The following ACOX2 variants were observed in gnomAD, a reference collection of about 807,000 sequenced individuals.
ACOX2 encodes acyl-CoA oxidase 2.
A neutral mutation model predicts 77.5 loss-of-function variants in ACOX2; 59 were observed. The observed-to-expected ratio is 0.76, with a 90% CI of 0.62 to 0.95. ACOX2 has a LOEUF of 0.95. Among genes scored for constraint, ACOX2 ranks in the 40% least tolerant of loss-of-function variants. The pLI is 0.00. For missense variants in ACOX2, 837 were observed against 880.4 expected (o/e 0.95, Z 0.62); for synonymous variants, 317 against 340.1 (o/e 0.93, Z 0.75).
intron 5 of ACOX2, among the ~76,000 whole-genome samples, chr3:58,532,067 T>C (rs1280002422): frequency 1.3e-5 from 2 of 152,140 alleles, no homozygotes; most frequent in East Asian, 3.9e-4. Flanking sequence ...AACCTTATAA[T>C]AATGAATACA....
chr3:58,517,862 G>A (rs1336987646), intron 12 of ACOX2, among the ~76,000 whole-genome samples: 1 of 151,986 alleles, frequency 6.6e-6, no homozygotes, highest in African/African-American at 2.4e-5. Flanking sequence ...ATCACCTGAG[G>A]TCAGGAGTTT....
At chr3:58,509,070 A>T (rs531221159) in intron 13 of ACOX2, 45 bp from the exon 14 acceptor site, 7 of 1,602,632 alleles carry the variant, frequency 4.4e-6, no homozygotes, top group African/African-American at 1.3e-5. Flanking sequence ...GATTGCTCTT[A>T]TGAATCAAAC....
rs538107717 is a variant in ACOX2, at chr3:58,517,356, G to A, written c.1700C>T (p.Ala567Val). 21 of 1,614,100 alleles carry A rather than the reference G, an allele frequency of 1.3e-5. 1 individual carries two copies. Among genetic ancestry groups the A allele is most frequent in the East Asian group, 6.7e-5 (3 of 44,874 alleles). The change falls in exon 13 of 15, where the codon GCG (alanine) becomes GTG (valine). Residue 567 changes from alanine to valine, a missense_variant. Ala to Val is a moderately conservative substitution (Grantham distance 64). Transcript: ENST00000302819. ...GAGGCGCTTGAGCACCTGCTGAATC[G>A]CTGGTTCATTTTCTAGTTTCTCCAG... Reference protein sequence around the residue: ...EALEKLENEPAIQQVLKRLCD... With the variant: ...EALEKLENEPVIQQVLKRLCD...
In ACOX2 at chr3:58,523,721, T is replaced by C. The variant is rs1403978651; in HGVS notation, c.1526+705A>G. On this transcript the variant is annotated intron_variant, in intron 11 of 14. Coordinates refer to ENST00000302819, the MANE Select transcript of ACOX2 (RefSeq NM_003500.4). The surrounding 1 kb of genome is among the most constrained non-coding windows in gnomAD (Gnocchi z 5.3). ...ACCTCGACCTCCCAAAGTGCTGGAATTACTGGTGTCAGCCACCATGCCCAG... is the reference window on the plus strand; with the variant it reads ...ACCTCGACCTCCCAAAGTGCTGGAACTACTGGTGTCAGCCACCATGCCCAG... Among the ~76,000 whole-genome samples, 1 of 152,166 alleles carries C rather than the reference T, an allele frequency of 6.6e-6. No homozygotes were observed. Among genetic ancestry groups the C allele is most frequent in the Non-Finnish European group, 1.5e-5 (1 of 68,022 alleles).
chr3:58,510,045 C>T (rs950760242), intron 13 of ACOX2, among the ~76,000 whole-genome samples: 7 of 152,084 alleles, frequency 4.6e-5, no homozygotes, highest in South Asian at 2.1e-4. Context: ...TTATATTTAT[C>T]ACCCCCTCTC....
rs772547041 is a variant in ACOX2, at chr3:58,517,307, T to C, written c.1749A>G (p.Gly583=). Residue 583 remains glycine (G), a synonymous_variant, in exon 13 of 15, where the codon GGA becomes GGG. Transcript: ENST00000302819. ...KRLCDLHAIH[G]ILTNSGDFLH... ...GAAAGTCACCCGAGTTAGTCAAGAT[T>C]CCATGTATGGCATGGAGGTCACAGA... 12 of 1,614,170 alleles carry C rather than the reference T, an allele frequency of 7.4e-6. No individual in the cohort carries two copies. The South Asian group carries it at 1.3e-4, about 18-fold the overall frequency.
In ACOX2 at chr3:58,530,399, CAG is replaced by C. The variant is rs1206607459; in HGVS notation, c.992+65_992+66del. 3.8e-6 allele frequency: 6 copies of C among 1,566,436 alleles called. No homozygotes were observed. The African/African-American group carries it at 5.4e-5, about 14-fold the overall frequency. Reference sequence around the variant, plus strand: ...TCTGGCTCTGGCAGAAGGGTGGTGTCAGGGGGAGGCACTGTGGGACCAAGAGG... The same window carrying C: ...TCTGGCTCTGGCAGAAGGGTGGTGTCGGGGAGGCACTGTGGGACCAAGAGG... On this transcript the variant is annotated intron_variant, in intron 8 of 14. Transcript: ENST00000302819.
rs2063308543 is a variant in ACOX2 at position 58,514,483 on chromosome 3, C to T, written c.1850+2723G>A. Among the ~76,000 whole-genome samples, 1 of 152,190 alleles carries T rather than the reference C, an allele frequency of 6.6e-6. No individual in the cohort carries two copies. Among genetic ancestry groups the T allele is most frequent in the Admixed American group, 6.5e-5 (1 of 15,290 alleles). On this transcript the variant is annotated intron_variant, in intron 13 of 14. Coordinates refer to ENST00000302819, the MANE Select transcript of ACOX2 (RefSeq NM_003500.4). The surrounding 1 kb of genome is among the most constrained non-coding windows in gnomAD (Gnocchi z 4.3). ...GAGAGCTTGTTCTTGGCATCCATAG[C>T]ATACTATGCCGCCCTTCAGTTTTCA...
At chr3:58,536,698 C>T (rs1255815939) in intron 1 of ACOX2, among the ~76,000 whole-genome samples, 1 of 152,142 alleles carries the variant, frequency 6.6e-6, no homozygotes, top group Non-Finnish European at 1.5e-5. Flanking sequence ...TCTCCATCTG[C>T]CCAGAACACC....
rs71625626 is a variant in ACOX2, at chr3:58,527,536, G to GAAAAAAAAAA, written c.1156-890_1156-881dup. 1.3e-4 allele frequency among the ~76,000 whole-genome samples: 14 copies of GAAAAAAAAAA among 107,702 alleles called. 1 individual carries two copies. The highest frequency in any genetic ancestry group is 5.1e-4 in the African/African-American group (11 of 21,700). The allele number at this position is 107,702 out of a possible 152,430, so 70.7% of individuals were successfully genotyped here. ...GGGTGACAGAGTGAGACTGTCTCAG[G>GAAAAAAAAAA]AAAAAAAAAAAAAAGAAAGAAAGAG... On this transcript the variant is annotated intron_variant, in intron 9 of 14. Coordinates refer to ENST00000302819, the MANE Select transcript of ACOX2 (RefSeq NM_003500.4).
chr3:58,524,196 T>A lies in ACOX2; in HGVS notation c.1526+230A>T, dbSNP rs571387507. ...TATCTCACTGGCCAGAGGTGTGATG[T>A]CCTTCTACTACTGTGACCAGGATGG... On this transcript the variant is annotated intron_variant, in intron 11 of 14. Coordinates refer to ENST00000302819, the MANE Select transcript of ACOX2 (RefSeq NM_003500.4). This position sits in a 1 kb window ranked among gnomAD's most constrained non-coding sequence, Gnocchi z 5.5. Among the ~76,000 whole-genome samples, 3 of 152,354 alleles carry A rather than the reference T, an allele frequency of 2.0e-5. No homozygotes were observed. The highest frequency in any genetic ancestry group is 4.4e-5 in the Non-Finnish European group (3 of 68,036).
At chr3:58,532,120 T>A (rs956640926) in intron 5 of ACOX2, among the ~76,000 whole-genome samples, 4 of 152,176 alleles carry the variant, frequency 2.6e-5, no homozygotes, top group Non-Finnish European at 4.4e-5. Flanking sequence ...CTAGACCCTG[T>A]GATAGATGCT....
rs143892455 is a variant in ACOX2 at position 58,523,522 on chromosome 3, A to T, written c.1526+904T>A. On this transcript the variant is annotated intron_variant, in intron 11 of 14. Transcript: ENST00000302819. This position sits in a 1 kb window ranked among gnomAD's most constrained non-coding sequence, Gnocchi z 5.3. ...GAAATAACTATTAACCATCCCTGGGACCACAGGTTGGGATATAAGACCTCT... is the reference window on the plus strand; with the variant it reads ...GAAATAACTATTAACCATCCCTGGGTCCACAGGTTGGGATATAAGACCTCT... Among the ~76,000 whole-genome samples the T allele has an allele frequency of 7.8e-4, 119 of 152,350 alleles. 1 individual carries two copies. The highest frequency in any genetic ancestry group is 2.7e-3 in the African/African-American group (112 of 41,590).
chr3:58,518,171 T>C (rs1365210511), intron 12 of ACOX2, among the ~76,000 whole-genome samples: 1 of 151,574 alleles, frequency 6.6e-6, no homozygotes, highest in Admixed American at 6.6e-5. Flanking sequence ...TGCGTGCACA[T>C]GTGTGCACCA....
rs2063412666 is a variant in ACOX2 at position 58,528,411 on chromosome 3, T to C, written c.1155+383A>G. Among the ~76,000 whole-genome samples the C allele has an allele frequency of 6.6e-6, 1 of 152,232 alleles. No individual in the cohort carries two copies. Among genetic ancestry groups the C allele is most frequent in the African/African-American group, 2.4e-5 (1 of 41,464 alleles). ...GGGCAGCTTTAGTGATTAAACACAT[T>C]AATAATTTTACTGCAAAATGTATTC... On this transcript the variant is annotated intron_variant, in intron 9 of 14. Coordinates refer to ENST00000302819, the MANE Select transcript of ACOX2 (RefSeq NM_003500.4). This position sits in a 1 kb window ranked among gnomAD's most constrained non-coding sequence, Gnocchi z 5.6.
At position 58,535,496 on chromosome 3, in the gene ACOX2, T is replaced by C. The variant is rs1027733546; in HGVS notation, c.-91-299A>G. On this transcript the variant is annotated intron_variant, in intron 1 of 14. Transcript: ENST00000302819. This position sits in a 1 kb window ranked among gnomAD's most constrained non-coding sequence, Gnocchi z 4.8. Reference sequence around the variant, plus strand: ...TCTTCACAAAAAAGTCAGTGAAGCTTACACCTGAAGAAAATAATCCTGGAG... The same window carrying C: ...TCTTCACAAAAAAGTCAGTGAAGCTCACACCTGAAGAAAATAATCCTGGAG... Among the ~76,000 whole-genome samples, 3 of 152,184 alleles carry C rather than the reference T, an allele frequency of 2.0e-5. No individual in the cohort carries two copies. The highest frequency in any genetic ancestry group is 7.2e-5 in the African/African-American group (3 of 41,426).
At chr3:58,507,599 G>C (rs890183718) in intron 14 of ACOX2, among the ~76,000 whole-genome samples, 2 of 152,300 alleles carry the variant, frequency 1.3e-5, no homozygotes, top group African/African-American at 4.8e-5. Flanking sequence ...GCACCAAAGG[G>C]CACACATTTA....
intron 12 of ACOX2, among the ~76,000 whole-genome samples, 192 bp from the exon 13 acceptor site, chr3:58,517,615 G>GTA (rs1479726026): frequency 2.1e-5 from 3 of 143,632 alleles, no homozygotes; most frequent in Non-Finnish European, 3.1e-5. Flanking sequence ...GTGTGTGTTG[G>GTA]GGGGGGGAGC....
intron 12 of ACOX2, among the ~76,000 whole-genome samples, chr3:58,520,180 T>G (rs1156678348): frequency 6.6e-6 from 1 of 152,220 alleles, no homozygotes; most frequent in Non-Finnish European, 1.5e-5. Context: ...TATTTAATCT[T>G]TATTAGAATC....
Sources: allele counts gnomAD v4.1 joint callset (sites outside exome capture counted in the v4.1 genomes callset), GRCh38; gene constraint gnomAD v4.1.1; non-coding constraint Gnocchi (gnomAD v3.1); transcripts MANE v1.5; gene names NCBI Gene and HGNC (gene_info 2026-07-23, HGNC 2026-07-21).